Variants in RBFOX1 observed in about 807,000 individuals in gnomAD.
The protein encoded by RBFOX1 is RNA binding protein fox-1 homolog 1.
Under a neutral mutation model 57.7 loss-of-function variants are expected in RBFOX1, and 8 were observed. The observed-to-expected ratio is 0.14, with a 90% CI of 0.08 to 0.25. The LOEUF is 0.25. Among genes scored for constraint, RBFOX1 ranks in the 10% least tolerant of loss-of-function variants. The pLI is 1.00. For missense variants in RBFOX1, 611 were observed against 548.5 expected (o/e 1.11, Z -1.14); for synonymous variants, 326 against 222.4 (o/e 1.47, Z -4.15).
At chr16:5,471,686 C>G (rs1016699568) in intron 2 of RBFOX1, among the ~76,000 whole-genome samples, 1 of 152,178 alleles carries the variant, frequency 6.6e-6, no homozygotes, top group Non-Finnish European at 1.5e-5. Context: ...TGATAAAGCA[C>G]TCGTGGGACC....
chr16:5,792,142 C>G (rs1315428400), intron 3 of RBFOX1, among the ~76,000 whole-genome samples: 1 of 152,170 alleles, frequency 6.6e-6, no homozygotes, highest in Non-Finnish European at 1.5e-5. Context: ...GCCCGGGACC[C>G]CAGTCTAAGG....
chr16:7,259,215 C>T (rs371621846), intron 4 of RBFOX1, among the ~76,000 whole-genome samples: 2 of 152,298 alleles, frequency 1.3e-5, no homozygotes, highest in South Asian at 2.1e-4. Context: ...TAAGGGCTTT[C>T]TCTTTGATGC....
intron 4 of RBFOX1, among the ~76,000 whole-genome samples, chr16:5,926,827 C>T (rs935589502): frequency 6.6e-6 from 1 of 152,168 alleles, no homozygotes; most frequent in East Asian, 1.9e-4. Context: ...TGAGTGATTC[C>T]TTTCCTCCTA....
intron 3 of RBFOX1, among the ~76,000 whole-genome samples, chr16:7,048,257 G>GTTTT (rs545912328): frequency 3.0e-4 from 45 of 150,576 alleles, no homozygotes; most frequent in African/African-American, 1.1e-3. Context: ...TTTTTGTTTT[G>GTTTT]TTTTGTTTGT....
intron 2 of RBFOX1, among the ~76,000 whole-genome samples, chr16:5,554,739 T>G (rs1003479370): frequency 6.6e-6 from 1 of 152,200 alleles, no homozygotes; most frequent in African/African-American, 2.4e-5. Context: ...GGATTATGAA[T>G]TGATCAACAA....
intron 1 of RBFOX1, among the ~76,000 whole-genome samples, chr16:5,269,578 C>A (rs1051873750): frequency 1.4e-4 from 21 of 152,118 alleles, no homozygotes; most frequent in African/African-American, 4.6e-4. Flanking sequence ...CATGGGTGAA[C>A]CTTCAAAACA....
intron 3 of RBFOX1, among the ~76,000 whole-genome samples, chr16:7,009,889 T>C (rs1488619301): frequency 6.6e-6 from 1 of 152,214 alleles, no homozygotes; most frequent in East Asian, 1.9e-4. Flanking sequence ...TTTGGTGCCG[T>C]TTAGCTGTGA....
intron 3 of RBFOX1, among the ~76,000 whole-genome samples, chr16:6,796,283 G>C (rs769168724): frequency 7.9e-5 from 12 of 152,060 alleles, no homozygotes; most frequent in African/African-American, 2.4e-4. Context: ...ACTCTCACTG[G>C]GTTCCTCCCA....
chr16:6,854,498 T>A lies in RBFOX1; in HGVS notation c.-15-197559T>A, dbSNP rs571901629. On this transcript the variant is annotated intron_variant, in intron 3 of 15. Coordinates refer to ENST00000550418, the MANE Select transcript of RBFOX1 (RefSeq NM_018723.4). ...CCAGAAATAGGAAGTTTAGCGAAGTTGGGACTTTCTCTCAGGTTACCTGTT... is the reference window on the plus strand; with the variant it reads ...CCAGAAATAGGAAGTTTAGCGAAGTAGGGACTTTCTCTCAGGTTACCTGTT... Among the ~76,000 whole-genome samples the A allele has an allele frequency of 2.6e-5, 4 of 152,046 alleles. No homozygotes were observed. In the South Asian group the frequency reaches 6.2e-4, roughly 24 times the overall value.
intron 4 of RBFOX1, among the ~76,000 whole-genome samples, chr16:7,060,387 G>A (rs1323717549): frequency 4.6e-5 from 7 of 152,186 alleles, no homozygotes; most frequent in South Asian, 4.2e-4. Context: ...CAAAGAAAAG[G>A]CCTTAGACTC....
intron 4 of RBFOX1, among the ~76,000 whole-genome samples, chr16:6,008,504 C>G (rs2094940378): frequency 1.3e-5 from 2 of 152,038 alleles, no homozygotes; most frequent in Admixed American, 6.5e-5. Flanking sequence ...TGTGGATTAC[C>G]ATTTTCTAAA....
intron 3 of RBFOX1, among the ~76,000 whole-genome samples, chr16:5,757,927 T>C (rs1189418509): frequency 6.6e-6 from 1 of 152,176 alleles, no homozygotes; most frequent in Admixed American, 6.5e-5. Flanking sequence ...CTCTCGCTGG[T>C]CATCACCACT....
intron 1 of RBFOX1, among the ~76,000 whole-genome samples, chr16:6,134,659 A>G (rs767376983): frequency 3.3e-5 from 5 of 151,020 alleles, no homozygotes; most frequent in Non-Finnish European, 1.5e-5. Flanking sequence ...GTGGCCCAGC[A>G]ATCTTTGTGC....
At chr16:5,556,412 G>T (rs1172932541) in intron 2 of RBFOX1, among the ~76,000 whole-genome samples, 1 of 152,208 alleles carries the variant, frequency 6.6e-6, no homozygotes, top group Non-Finnish European at 1.5e-5. Context: ...TCTATGGCTT[G>T]AGTTCCCAGA....
intron 3 of RBFOX1, among the ~76,000 whole-genome samples, chr16:5,641,091 A>G (rs940511383): frequency 2.6e-5 from 4 of 151,704 alleles, no homozygotes; most frequent in Admixed American, 2.0e-4. Context: ...ACACATGCAC[A>G]CCATGCATAC....
chr16:5,757,721 G>T (rs1173457265), intron 3 of RBFOX1, among the ~76,000 whole-genome samples: 1 of 152,166 alleles, frequency 6.6e-6, no homozygotes, highest in African/African-American at 2.4e-5. Flanking sequence ...TATGAAGTTG[G>T]TCCTCATCCC....
intron 3 of RBFOX1, among the ~76,000 whole-genome samples, chr16:5,856,220 T>TATATACAC (rs1555547634): frequency 3.2e-5 from 1 of 31,302 alleles, no homozygotes; most frequent in Admixed American, 5.0e-4. Flanking sequence ...TATATATGTA[T>TATATACAC]ATATATATGT....
intron 4 of RBFOX1, among the ~76,000 whole-genome samples, chr16:7,053,510 G>A (rs1490820902): frequency 6.6e-6 from 1 of 152,190 alleles, no homozygotes; most frequent in Non-Finnish European, 1.5e-5. Context: ...GCTAGATAAA[G>A]AGAAATATGT....
intron 14 of RBFOX1, among the ~76,000 whole-genome samples, chr16:7,694,512 A>G (rs1568502717): frequency 6.6e-6 from 1 of 152,244 alleles, no homozygotes; most frequent in South Asian, 2.1e-4. Flanking sequence ...TTACCTGGTG[A>G]GTTCAAGAGG....
Sources: gnomAD v4.1 joint callset for allele counts (sites outside exome capture counted in the v4.1 genomes callset) on GRCh38, gnomAD v4.1.1 for gene constraint, MANE v1.5 for transcripts, NCBI Gene and HGNC (gene_info 2026-07-23, HGNC 2026-07-21) for gene names.